Variants in ZBTB4 observed in about 807,000 individuals in gnomAD.
ZBTB4 encodes the protein zinc finger and BTB domain-containing protein 4.
ZBTB4 carries 14 observed loss-of-function variants against 59.8 expected under a neutral mutation model. The ratio of observed to expected loss-of-function variants is 0.23; its 90% CI spans 0.15 to 0.37. The LOEUF is 0.37. Among genes scored for constraint, ZBTB4 ranks in the 10% least tolerant of loss-of-function variants. The pLI, the probability that ZBTB4 is intolerant of heterozygous loss-of-function variation, is 1.00. For synonymous variants in ZBTB4, 587 were observed against 575.2 expected (o/e 1.02, Z -0.29); for missense variants, 1,198 against 1,380.8 (o/e 0.87, Z 2.10).
At chr17:7,482,800 T>A, upstream of ZBTB4, 1 of 1,612,034 alleles carries the variant, frequency 6.2e-7, no homozygotes, top group Non-Finnish European at 8.5e-7. Flanking sequence ...GTGTGAGCTA[T>A]GCGGTCACCA....
chr17:7,483,776 T>C (rs1433318163), upstream of ZBTB4, among the ~76,000 whole-genome samples: 3 of 152,084 alleles, frequency 2.0e-5, no homozygotes, highest in Non-Finnish European at 4.4e-5. Flanking sequence ...TGAAGTCTCT[T>C]CGAGAGGCTC....
chr17:7,465,533 C>T (rs1439694451), intron 3 of ZBTB4, among the ~76,000 whole-genome samples, 178 bp downstream of exon 3: 1 of 152,030 alleles, frequency 6.6e-6, no homozygotes, highest in Non-Finnish European at 1.5e-5. Context: ...AGGCTCGTCC[C>T]AGACTCCTGG....
chr17:7,468,594 C>T (rs770307921), intron 1 of ZBTB4, among the ~76,000 whole-genome samples: 11 of 152,148 alleles, frequency 7.2e-5, no homozygotes, highest in South Asian at 2.1e-4. Flanking sequence ...GATCCAGGCC[C>T]GCAGACTTGA....
chr17:7,460,179 T>C lies in ZBTB4; in HGVS notation c.*1761A>G, dbSNP rs2070000733. 1 of 152,578 alleles carries C rather than the reference T, an allele frequency of 6.6e-6. No individual in the cohort carries two copies. Among genetic ancestry groups the C allele is most frequent in the African/African-American group, 2.4e-5 (1 of 41,444 alleles). The allele number at this position is 152,578 out of a possible 1,614,324, so 9.5% of individuals were successfully genotyped here. A position where few individuals can be genotyped will look rare whatever the true frequency, so the allele number is the denominator to read the frequency against. ...CCCTTAAAAATTGGAACTTGGTACA[T>C]TCAGTAGGAAATTCGTCACTCAGGC... On this transcript the variant is annotated 3_prime_UTR_variant, in exon 4 of 4. Transcript: ENST00000380599.
chr17:7,463,507 C>A lies in ZBTB4; in HGVS notation c.1475G>T (p.Gly492Val), dbSNP rs759993233. The change falls in exon 4 of 4, where the codon GGG becomes GTG. Residue 492 changes from glycine (G) to valine (V), a missense_variant. Physicochemically the swap from Gly to Val is moderately radical, Grantham distance 109 (BLOSUM62 -3). Around this residue, in one of 9 missense-constraint regions of ZBTB4, gnomAD observed 550 missense variants for 541.8 expected, o/e 1.02. Transcript: ENST00000380599. ...IVHGGSSSGG[G>V]GSGTASTGGS... ...TCCTGTGCTGGCCGTCCCACTCCCCCCTCCACCACTGCTACTGCCCCCATG... is the reference window on the plus strand; with the variant it reads ...TCCTGTGCTGGCCGTCCCACTCCCCACTCCACCACTGCTACTGCCCCCATG... The A allele has an allele frequency of 1.0e-5, 16 of 1,559,132 alleles. No individual in the cohort carries two copies. The highest frequency in any genetic ancestry group is 1.7e-4 in the Middle Eastern group (1 of 5,850).
chr17:7,463,794 G>A lies in ZBTB4; in HGVS notation c.1188C>T (p.Ala396=). The A allele has an allele frequency of 6.2e-7, 1 of 1,614,190 alleles. No homozygotes were observed. The highest frequency in any genetic ancestry group is 1.1e-5 in the South Asian group (1 of 91,088). The change falls in exon 4 of 4, where the codon GCC becomes GCT. Residue 396 remains alanine (A), a synonymous_variant. Transcript: ENST00000380599. ...AGCCTCCATTGGGTGTCTTCTCACT[G>A]GCAAGGAGGCCCGGGCTAATGCCGT... ...AFHGISPGLL[A]SEKTPNGGYK...
chr17:7,465,528 C>T (rs1017756936), intron 3 of ZBTB4, among the ~76,000 whole-genome samples, 183 bp downstream of exon 3: 4 of 151,954 alleles, frequency 2.6e-5, no homozygotes, highest in Admixed American at 6.6e-5. Flanking sequence ...TGTCCAGGCT[C>T]GTCCCAGACT....
intron 1 of ZBTB4, among the ~76,000 whole-genome samples, chr17:7,470,904 G>GA (rs981079856): frequency 6.6e-6 from 1 of 152,114 alleles, no homozygotes; most frequent in African/African-American, 2.4e-5. Context: ...GTGCCTTTCT[G>GA]AAAATTAGAA....
At chr17:7,482,285 C>G (rs377435445), upstream of ZBTB4, 29 of 1,613,934 alleles carry the variant, frequency 1.8e-5, no homozygotes, top group African/African-American at 2.9e-4. Flanking sequence ...TCCTGACATC[C>G]GAGGCCGGGC....
At chr17:7,481,525 T>G, upstream of ZBTB4, 2 of 1,556,270 alleles carry the variant, frequency 1.3e-6, no homozygotes, top group Non-Finnish European at 1.7e-6. Context: ...AGATGGTGAG[T>G]GTGGGGGCCA....
At chr17:7,482,012 C>T (rs753542367), upstream of ZBTB4, 13 of 1,604,228 alleles carry the variant, frequency 8.1e-6, no homozygotes, top group Non-Finnish European at 1.1e-5. Flanking sequence ...CTACTTGAAC[C>T]CGCCTGACTC....
chr17:7,462,096 G>A lies in ZBTB4; in HGVS notation c.2886C>T (p.Pro962=). The change falls in exon 4 of 4, where the codon CCC becomes CCT. Residue 962 remains proline, a synonymous_variant. Transcript: ENST00000380599. This position sits in a 1 kb window ranked among gnomAD's most constrained non-coding sequence, Gnocchi z 7.5. ...CGTAGCCAAAGACCCCTGGTAGGAA[G>A]GGAAGGGCCCCCGCACCCTTCTCAT... is the stretch of plus-strand genomic sequence containing the variant. The part of the protein sequence containing the change: ...LPDEKGAGAL[P]FLPGVFGYAV... 3.1e-6 allele frequency: 5 copies of A among 1,606,150 alleles called. No homozygotes were observed. Among genetic ancestry groups the A allele is most frequent in the Non-Finnish European group, 4.3e-6 (5 of 1,175,434 alleles).
In ZBTB4 at chr17:7,459,649, C is replaced by G. The variant is rs772416355; in HGVS notation, c.*2291G>C. On this transcript the variant is annotated 3_prime_UTR_variant, in exon 4 of 4. Coordinates refer to ENST00000380599, the MANE Select transcript of ZBTB4 (RefSeq NM_001128833.2). Reference sequence around the variant, plus strand: ...CTGCAAAATCCCAAATTTCCAACATCTGAAACTCACAATATTCAAATTCCC... The same window carrying G: ...CTGCAAAATCCCAAATTTCCAACATGTGAAACTCACAATATTCAAATTCCC... The G allele has an allele frequency of 6.6e-6, 1 of 152,300 alleles. No individual in the cohort carries two copies. Among genetic ancestry groups the G allele is most frequent in the Non-Finnish European group, 1.5e-5 (1 of 68,026 alleles). 9.4% of individuals were successfully genotyped at this position (152,300 alleles called of 1,614,324 possible).
chr17:7,463,956 C>G, intron 3 of ZBTB4, 66 bp from the exon 4 acceptor site: 1 of 1,546,268 alleles, frequency 6.5e-7, no homozygotes, highest in Non-Finnish European at 8.7e-7. Flanking sequence ...CTGAAGCCTC[C>G]CAGGTCCTCC....
At chr17:7,476,429 C>T (rs1469342795) in intron 1 of ZBTB4, among the ~76,000 whole-genome samples, 1 of 152,188 alleles carries the variant, frequency 6.6e-6, no homozygotes, top group Non-Finnish European at 1.5e-5. Context: ...TAGAGGATTG[C>T]TTGAGCCCAG....
intron 1 of ZBTB4, among the ~76,000 whole-genome samples, chr17:7,467,892 T>C (rs2070149163): frequency 6.6e-6 from 1 of 152,216 alleles, no homozygotes; most frequent in South Asian, 2.1e-4. Context: ...CAGGCAACCA[T>C]TGAAGACCAC....
At chr17:7,467,114 T>G in intron 2 of ZBTB4, 143 bp downstream of exon 2, 2 of 1,159,314 alleles carry the variant, frequency 1.7e-6, no homozygotes, top group East Asian at 3.8e-5. Context: ...GGCAAATCTC[T>G]CTCATGGGAA....
intron 1 of ZBTB4, among the ~76,000 whole-genome samples, chr17:7,477,147 G>A (rs2070279703): frequency 6.6e-6 from 1 of 152,218 alleles, no homozygotes; most frequent in South Asian, 2.1e-4. Flanking sequence ...AGTGTGTGCT[G>A]CCATTATTAT....
upstream of ZBTB4, chr17:7,481,308 T>C (rs893685981): frequency 6.8e-6 from 5 of 733,144 alleles, no homozygotes; most frequent in Non-Finnish European, 9.4e-6. Context: ...CCAGCCTGGA[T>C]AACAAGAGTG....
Sources: allele counts gnomAD v4.1 joint callset (sites outside exome capture counted in the v4.1 genomes callset), GRCh38; gene constraint gnomAD v4.1.1; regional missense constraint gnomAD v4.1.1; non-coding constraint Gnocchi (gnomAD v3.1); transcripts MANE v1.5; gene names NCBI Gene and HGNC (gene_info 2026-07-23, HGNC 2026-07-21).